PRKCH: variants seen among roughly 807,000 people sequenced by gnomAD.
PRKCH encodes the protein protein kinase C eta type.
In PRKCH, 28 loss-of-function variants were observed where a neutral mutation model predicts 82.5. The observed-to-expected ratio is 0.34, with a 90% CI of 0.25 to 0.47. PRKCH has a LOEUF of 0.47. PRKCH is among the 20% of genes least tolerant of loss of function. The pLI, the probability that PRKCH is intolerant of heterozygous loss-of-function variation, is 1.00. For missense variants in PRKCH, 705 were observed against 881.8 expected, an observed-to-expected ratio of 0.80 and a Z score of 2.54; for synonymous variants, 322 against 327.4, an observed-to-expected ratio of 0.98 and a Z score of 0.18.
chr14:61,225,473 G>A (rs961588297), intron 1 of PRKCH, among the ~76,000 whole-genome samples: 1 of 152,188 alleles, frequency 6.6e-6, no homozygotes, highest in Non-Finnish European at 1.5e-5. Flanking sequence ...CGATGGTAAA[G>A]GCGGTGTGCT....
At chr14:61,465,411 G>A (rs1215627572) in intron 9 of PRKCH, among the ~76,000 whole-genome samples, 1 of 152,220 alleles carries the variant, frequency 6.6e-6, no homozygotes, top group East Asian at 1.9e-4. Flanking sequence ...TGTGACGTGA[G>A]ATGAGGGTCT....
chr14:61,465,412 A>G (rs958429349), intron 9 of PRKCH, among the ~76,000 whole-genome samples: 2 of 152,120 alleles, frequency 1.3e-5, no homozygotes, highest in African/African-American at 4.8e-5. Context: ...GTGACGTGAG[A>G]TGAGGGTCTG....
At chr14:61,414,274 CTTTTTTTT>C (rs151041093) in intron 2 of PRKCH, among the ~76,000 whole-genome samples, 1 of 141,124 alleles carries the variant, frequency 7.1e-6, no homozygotes, top group African/African-American at 2.6e-5. Flanking sequence ...TTCATTTAAT[CTTTTTTTT>C]TTTTTTTTGA....
At chr14:61,423,470 T>G (rs913555522) in intron 2 of PRKCH, among the ~76,000 whole-genome samples, 1 of 152,174 alleles carries the variant, frequency 6.6e-6, no homozygotes, top group African/African-American at 2.4e-5. Flanking sequence ...AATGATGCAG[T>G]GACTGAGTAA....
At chr14:61,488,993 A>G (rs1010434924) in intron 10 of PRKCH, among the ~76,000 whole-genome samples, 5 of 152,320 alleles carry the variant, frequency 3.3e-5, no homozygotes, top group Admixed American at 6.5e-5. Flanking sequence ...TGCTATTTTT[A>G]TCCCTTGGAT....
chr14:61,520,632 T>C (rs1422839184), intron 10 of PRKCH, among the ~76,000 whole-genome samples: 1 of 152,230 alleles, frequency 6.6e-6, no homozygotes, highest in Non-Finnish European at 1.5e-5. Flanking sequence ...CCATTAAACA[T>C]ATATTCTTCT....
intron 2 of PRKCH, among the ~76,000 whole-genome samples, chr14:61,393,524 T>G (rs1457069524): frequency 2.6e-5 from 4 of 152,208 alleles, no homozygotes; most frequent in African/African-American, 9.7e-5. Flanking sequence ...CACTCAAGCT[T>G]CTAACTCTTT....
intron 1 of PRKCH, among the ~76,000 whole-genome samples, chr14:61,382,420 A>C (rs1252492268): frequency 6.6e-6 from 1 of 152,040 alleles, no homozygotes; most frequent in Non-Finnish European, 1.5e-5. Flanking sequence ...ACAGAGCCAG[A>C]CTCTGTCTCA....
chr14:61,480,873 G>A (rs1885940059), intron 9 of PRKCH, among the ~76,000 whole-genome samples: 1 of 152,140 alleles, frequency 6.6e-6, no homozygotes, highest in Admixed American at 6.5e-5. Flanking sequence ...CCTCCCGTCT[G>A]CCTGACATCT....
intron 10 of PRKCH, chr14:61,492,203 G>A (rs1338035675): frequency 1.3e-5 from 2 of 152,224 alleles, no homozygotes; most frequent in Non-Finnish European, 2.9e-5. Flanking sequence ...ACAGTGTTCA[G>A]TCAGCTGATG....
chr14:61,522,824 T>C (rs763794559), intron 10 of PRKCH, among the ~76,000 whole-genome samples: 2 of 152,226 alleles, frequency 1.3e-5, no homozygotes, highest in African/African-American at 2.4e-5. Flanking sequence ...GCCAGGCTCA[T>C]GGACAATACT....
chr14:61,542,156 G>T (rs1040170191), intron 12 of PRKCH, among the ~76,000 whole-genome samples: 3 of 151,998 alleles, frequency 2.0e-5, no homozygotes, highest in Non-Finnish European at 2.9e-5. Context: ...CGGGCGTGGT[G>T]GTGCACACCT....
intron 9 of PRKCH, 89 bp from the exon 10 acceptor site, chr14:61,485,413 C>A: frequency 6.8e-7 from 1 of 1,469,428 alleles, no homozygotes; most frequent in Non-Finnish European, 9.3e-7. Context: ...AGTGTCCTCT[C>A]TATGCCACAG....
chr14:61,397,488 C>A (rs2140212151), intron 2 of PRKCH, among the ~76,000 whole-genome samples: 1 of 152,198 alleles, frequency 6.6e-6, no homozygotes, highest in East Asian at 1.9e-4. Flanking sequence ...GAAGATTTAG[C>A]AAGAAAACCA....
chr14:61,506,343 C>T (rs769177764), intron 10 of PRKCH, among the ~76,000 whole-genome samples: 1 of 152,102 alleles, frequency 6.6e-6, no homozygotes, highest in Non-Finnish European at 1.5e-5. Flanking sequence ...GGAGGAACTT[C>T]GGTGCACCAA....
intron 12 of PRKCH, among the ~76,000 whole-genome samples, chr14:61,547,466 C>T (rs1478572731): frequency 6.6e-6 from 1 of 152,176 alleles, no homozygotes; most frequent in Non-Finnish European, 1.5e-5. Context: ...AAGAAAAATA[C>T]ATGGTGTTTA....
intron 1 of PRKCH, among the ~76,000 whole-genome samples, chr14:61,266,595 C>G (rs1207590149): frequency 6.6e-6 from 1 of 152,074 alleles, no homozygotes; most frequent in South Asian, 2.1e-4. Flanking sequence ...CATGAGCCTC[C>G]GAATCAGTGG....
At chr14:61,529,006 G>GTGTGTGTGA in intron 10 of PRKCH, 69 bp from the exon 11 acceptor site, 9 of 1,470,264 alleles carry the variant, frequency 6.1e-6, no homozygotes, top group Non-Finnish European at 7.3e-6. Context: ...GTGTGTGTGT[G>GTGTGTGTGA]CCCATTCTGA....
Position 61,272,352 on chromosome 14 carries a change from T to C in PRKCH, c.-19+84684T>C, listed in dbSNP as rs1168643755. ...TCTTTTCTTTTTTCTTTCTTTTTTT[T>C]TTTTTTTTTTTTTTTTTTTGAGACA... On this transcript the variant is annotated intron_variant, in intron 1 of 3. Transcript: ENST00000555185. Among the ~76,000 whole-genome samples the C allele has an allele frequency of 2.2e-4, 26 of 117,430 alleles. 1 individual carries two copies. Among genetic ancestry groups the C allele is most frequent in the Non-Finnish European group, 2.8e-4 (15 of 53,786 alleles). 77.0% of individuals were successfully genotyped at this position (117,430 alleles called of 152,430 possible).
Sources: gnomAD v4.1 joint callset for allele counts (sites outside exome capture counted in the v4.1 genomes callset) on GRCh38, gnomAD v4.1.1 for gene constraint, MANE v1.5 for transcripts, NCBI Gene and HGNC (gene_info 2026-07-23, HGNC 2026-07-21) for gene names.